Variants in MTMR8 observed in about 807,000 individuals in gnomAD.
MTMR8 encodes myotubularin related protein 8, also known as phosphatidylinositol-3,5-bisphosphate 3-phosphatase MTMR8.
In MTMR8, 65 loss-of-function variants were observed where a neutral mutation model predicts 39.3. That is an observed-to-expected ratio of 1.65 (90% CI 1.35 to 2.03). The LOEUF (loss-of-function observed/expected upper bound fraction) is 2.03, where lower values mean the gene tolerates loss of function less well. Among genes scored for constraint, MTMR8 ranks in the 30% most tolerant of loss-of-function variants. The pLI, the probability that MTMR8 is intolerant of heterozygous loss-of-function variation, is 0.00. For synonymous variants in MTMR8, 245 were observed against 185.2 expected (o/e 1.32, Z -2.62); for missense variants, 777 against 538.9 (o/e 1.44, Z -4.37).
intron 12 of MTMR8, among the ~76,000 whole-genome samples, chrX:64,302,219 T>C (rs776766855): frequency 3.6e-5 from 4 of 112,513 alleles, no homozygotes; most frequent in East Asian, 2.8e-4. Context: ...ATCAGCGAGA[T>C]TCCGCGGGCG....
chrX:64,372,096 G>T (rs532745695), intron 1 of MTMR8, among the ~76,000 whole-genome samples: 2 of 107,841 alleles, frequency 1.9e-5, no homozygotes, highest in South Asian at 8.1e-4. Flanking sequence ...AGAATGACAG[G>T]ATTTGGGGTA....
chrX:64,288,193 A>G (rs1023543493), intron 12 of MTMR8, among the ~76,000 whole-genome samples: 22 of 109,852 alleles, frequency 2.0e-4, no homozygotes, highest in African/African-American at 7.2e-4. Context: ...AAAAGTGGGT[A>G]AAGGATCTGA....
rs137876373 is a variant in MTMR8 at position 64,268,832 on chromosome X, T to A, written c.1820A>T (p.Asp607Val). Residue 607 changes from aspartate to valine, a missense_variant, in exon 14 of 14, where the codon GAC becomes GTC. Physicochemically the swap from Asp to Val is radical, Grantham distance 152 (BLOSUM62 -3). Coordinates refer to ENST00000374852, the MANE Select transcript of MTMR8 (RefSeq NM_017677.4). ...AATCTCACAACAGTTATGGTGGAGGTCTGCACCCTGGCTTTTTACTTGATC... is the reference window on the plus strand; with the variant it reads ...AATCTCACAACAGTTATGGTGGAGGACTGCACCCTGGCTTTTTACTTGATC... ...QMDQVKSQGA[D>V]LHHNCCEIVG... 2 of 1,209,434 alleles carry A rather than the reference T, an allele frequency of 1.7e-6. No homozygotes were observed. The highest frequency in any genetic ancestry group is 3.5e-5 in the African/African-American group (2 of 56,912).
intron 1 of MTMR8, among the ~76,000 whole-genome samples, chrX:64,361,306 C>A (rs1923773783): frequency 9.0e-6 from 1 of 111,078 alleles, no homozygotes; most frequent in Non-Finnish European, 1.9e-5. Context: ...TGATTCCAGT[C>A]ACTGGAAAAA....
chrX:64,322,390 G>T (rs1222670844), intron 12 of MTMR8, among the ~76,000 whole-genome samples: 2 of 111,405 alleles, frequency 1.8e-5, no homozygotes, highest in African/African-American at 3.3e-5. Context: ...TCCTTCTCTG[G>T]TTTTTGTATT....
chrX:64,269,098 G>A (rs1002388799), intron 13 of MTMR8, 55 bp from the exon 14 acceptor site: 76 of 1,127,729 alleles, frequency 6.7e-5, no homozygotes, highest in Non-Finnish European at 8.7e-5. Flanking sequence ...GAAAAACTAG[G>A]CAAACATTAC....
chrX:64,384,053 A>G (rs1225841030), intron 1 of MTMR8, among the ~76,000 whole-genome samples: 1 of 112,145 alleles, frequency 8.9e-6, no homozygotes, highest in Non-Finnish European at 1.9e-5. Flanking sequence ...TTGGGTAAAC[A>G]TTTCCATTCC....
intron 12 of MTMR8, among the ~76,000 whole-genome samples, chrX:64,323,467 G>A (rs903314452): frequency 2.7e-5 from 3 of 111,617 alleles, no homozygotes; most frequent in African/African-American, 9.8e-5. Context: ...AATAATATAA[G>A]GAGACTTCAG....
chrX:64,297,805 G>C (rs1221382432), intron 12 of MTMR8, among the ~76,000 whole-genome samples: 1 of 111,164 alleles, frequency 9.0e-6, no homozygotes, highest in Non-Finnish European at 1.9e-5. Context: ...CATATGACTA[G>C]ACAGTTTCCC....
At chrX:64,271,359 T>C (rs1195016185) in intron 12 of MTMR8, among the ~76,000 whole-genome samples, 1 of 111,936 alleles carries the variant, frequency 8.9e-6, no homozygotes, top group African/African-American at 3.2e-5. Flanking sequence ...GACTCACATG[T>C]AGTTTTATGA....
At chrX:64,300,063 T>G (rs1169587200) in intron 12 of MTMR8, among the ~76,000 whole-genome samples, 2 of 97,564 alleles carry the variant, frequency 2.0e-5, no homozygotes, top group Admixed American at 1.2e-4. Context: ...TCTGTTGATT[T>G]GGGGTGGAGA....
At chrX:64,294,132 C>T (rs1412977126) in intron 12 of MTMR8, among the ~76,000 whole-genome samples, 1 of 111,703 alleles carries the variant, frequency 9.0e-6, no homozygotes, top group Non-Finnish European at 1.9e-5. Flanking sequence ...ATGTGTAAAG[C>T]CACTATTAAT....
chrX:64,342,231 T>C (rs1248825755), intron 8 of MTMR8, among the ~76,000 whole-genome samples: 2 of 112,795 alleles, frequency 1.8e-5, no homozygotes, highest in African/African-American at 6.4e-5. Context: ...CAATGGATTG[T>C]GGCTATCTTA....
chrX:64,337,357 A>G lies in MTMR8; in HGVS notation c.1012T>C (p.Cys338Arg). The change falls in exon 9 of 14, where the codon TGT becomes CGT. Residue 338 changes from cysteine (C) to arginine (R), a missense_variant. By Grantham distance (180) the Cys-to-Arg change is radical. Transcript: ENST00000374852. Reference sequence around the variant, plus strand: ...GCTGTGCGGTCCCATCCATCAGAACAATGGACTAAGACACTGGCCTTTTCT... The same window carrying G: ...GCTGTGCGGTCCCATCCATCAGAACGATGGACTAAGACACTGGCCTTTTCT... ...KVEKASVLVH[C>R]SDGWDRTAQV... 8.3e-7 allele frequency: 1 copy of G among 1,209,998 alleles called. No individual in the cohort carries two copies. The highest frequency in any genetic ancestry group is 1.8e-5 in the South Asian group (1 of 56,687).
intron 1 of MTMR8, among the ~76,000 whole-genome samples, chrX:64,390,730 C>A (rs1228995261): frequency 9.0e-6 from 1 of 111,324 alleles, no homozygotes; most frequent in Non-Finnish European, 1.9e-5. Context: ...GAGCTCACTG[C>A]AGCCTCGACC....
rs201954149 is a variant in MTMR8, at chrX:64,344,991, A to C, written c.865+54T>G. ...CCCAAATCAGGCATGCTTTCTGCTTACATGATAACGCAAAGCTATGGCCGC... is the reference window on the plus strand; with the variant it reads ...CCCAAATCAGGCATGCTTTCTGCTTCCATGATAACGCAAAGCTATGGCCGC... On this transcript the variant is annotated intron_variant, in intron 7 of 13. Coordinates refer to ENST00000374852, the MANE Select transcript of MTMR8 (RefSeq NM_017677.4). 1,155 of 1,173,633 alleles carry C rather than the reference A, an allele frequency of 9.8e-4. 6 individuals carry two copies. Among genetic ancestry groups the C allele is most frequent in the Middle Eastern group, 7.8e-3 (32 of 4,080 alleles).
intron 8 of MTMR8, among the ~76,000 whole-genome samples, chrX:64,341,504 G>T (rs1220043744): frequency 8.0e-4 from 71 of 88,507 alleles, no homozygotes; most frequent in African/African-American, 2.9e-3. Context: ...AAAAAAAAAA[G>T]AGTATGCACA....
intron 12 of MTMR8, among the ~76,000 whole-genome samples, chrX:64,301,424 C>A (rs1402461177): frequency 2.8e-5 from 3 of 105,302 alleles, no homozygotes; most frequent in African/African-American, 1.0e-4. Context: ...GTTTTCAGCT[C>A]CATCAGCTCC....
chrX:64,326,580 G>A (rs1922799296), intron 12 of MTMR8, among the ~76,000 whole-genome samples: 1 of 110,989 alleles, frequency 9.0e-6, no homozygotes, highest in Non-Finnish European at 1.9e-5. Context: ...CATCTTCATG[G>A]ACTGGAAGAA....
Sources: gnomAD v4.1 joint callset for allele counts (sites outside exome capture counted in the v4.1 genomes callset) on GRCh38, gnomAD v4.1.1 for gene constraint, MANE v1.5 for transcripts, NCBI Gene and HGNC (gene_info 2026-07-23, HGNC 2026-07-21) for gene names.